The following PTPRT variants were observed in gnomAD, a reference collection of about 807,000 sequenced individuals.
PTPRT encodes protein tyrosine phosphatase receptor type T.
PTPRT carries 56 observed loss-of-function variants against 176.8 expected under a neutral mutation model. The ratio of observed to expected loss-of-function variants is 0.32; its 90% CI spans 0.26 to 0.40. The LOEUF is 0.40. Among genes scored for constraint, PTPRT ranks in the 10% least tolerant of loss-of-function variants. The probability of loss-of-function intolerance (pLI) is 1.00; values close to 1 mark genes in which losing one functional copy is unlikely to be tolerated. For missense variants in PTPRT, 1,540 were observed against 1,908.2 expected, an observed-to-expected ratio of 0.81 and a Z score of 3.60; for synonymous variants, 783 against 739.0, an observed-to-expected ratio of 1.06 and a Z score of -0.96.
intron 1 of PTPRT, among the ~76,000 whole-genome samples, chr20:42,967,619 A>G (rs2088845567): frequency 6.6e-6 from 1 of 152,130 alleles, no homozygotes; most frequent in Non-Finnish European, 1.5e-5. Flanking sequence ...AAGCCACCAA[A>G]TGGATGGTAA....
In PTPRT at chr20:42,756,559, C is replaced by T. The variant is rs762700100; in HGVS notation, c.762G>A (p.Val254=). Residue 254 remains valine, a synonymous_variant, in exon 6 of 31, where the codon GTG becomes GTA. Coordinates refer to ENST00000373187, the MANE Select transcript of PTPRT (RefSeq NM_007050.6). ...NHRRFSATVS[V]ADTAQRSVSK... ...TGACGCTCCGCTGGGCAGTGTCTGC[C>T]ACACTGACTGTGGCTGAGAAGCGCC... The T allele has an allele frequency of 2.5e-6, 4 of 1,613,072 alleles. No individual in the cohort carries two copies. The East Asian group carries it at 8.9e-5, about 36-fold the overall frequency.
At chr20:43,005,290 G>A (rs1038933777) in intron 1 of PTPRT, among the ~76,000 whole-genome samples, 19 of 152,068 alleles carry the variant, frequency 1.2e-4, no homozygotes, top group African/African-American at 3.6e-4. Flanking sequence ...CTCTCCAACC[G>A]CATCTTGTTG....
chr20:42,424,741 T>A (rs187646744), intron 9 of PTPRT, among the ~76,000 whole-genome samples: 1 of 151,490 alleles, frequency 6.6e-6, no homozygotes, highest in Admixed American at 6.6e-5. Flanking sequence ...CCATGGCACA[T>A]CTTTTTGTCA....
intron 19 of PTPRT, among the ~76,000 whole-genome samples, chr20:42,122,540 G>A (rs1208203758): frequency 6.6e-6 from 1 of 152,102 alleles, no homozygotes; most frequent in Non-Finnish European, 1.5e-5. Flanking sequence ...GTAGCTTTGG[G>A]AATAGAAAAT....
At chr20:42,834,009 T>C (rs2078138425) in intron 2 of PTPRT, among the ~76,000 whole-genome samples, 1 of 152,086 alleles carries the variant, frequency 6.6e-6, no homozygotes, top group African/African-American at 2.4e-5. Flanking sequence ...AAAAAACTGA[T>C]GTTAGACTTC....
chr20:43,045,497 A>T (rs3091990), intron 1 of PTPRT, among the ~76,000 whole-genome samples: 1 of 143,564 alleles, frequency 7.0e-6, no homozygotes, highest in Non-Finnish European at 1.5e-5. Context: ...TCTGTCACCT[A>T]GGCTGGAGTC....
At chr20:42,786,656 C>A (rs2077295274) in intron 3 of PTPRT, among the ~76,000 whole-genome samples, 1 of 152,152 alleles carries the variant, frequency 6.6e-6, no homozygotes, top group Non-Finnish European at 1.5e-5. Context: ...TATGACTGTC[C>A]CTGTACTCAG....
intron 2 of PTPRT, among the ~76,000 whole-genome samples, chr20:42,883,696 TCCCATACACCCCCATACACACACA>T (rs2079044661): frequency 8.8e-5 from 5 of 56,576 alleles, no homozygotes; most frequent in African/African-American, 8.5e-5. Flanking sequence ...CACACACACC[TCCCATACACCCCCATACACACACA>T]CCCATACACC....
chr20:42,710,659 C>T (rs1309241715), intron 6 of PTPRT, among the ~76,000 whole-genome samples: 1 of 152,264 alleles, frequency 6.6e-6, no homozygotes, highest in Non-Finnish European at 1.5e-5. Flanking sequence ...TAGAGCAGTG[C>T]CATGGAGAAA....
At chr20:42,948,707 T>C (rs941174170) in intron 1 of PTPRT, among the ~76,000 whole-genome samples, 28 of 152,196 alleles carry the variant, frequency 1.8e-4, no homozygotes, top group African/African-American at 6.5e-4. Flanking sequence ...TCAGTGATGC[T>C]TGAAGGACCC....
intron 1 of PTPRT, among the ~76,000 whole-genome samples, chr20:42,939,720 A>T (rs1234836665): frequency 6.6e-6 from 1 of 152,050 alleles, no homozygotes; most frequent in Admixed American, 6.6e-5. Context: ...TTTTAGTAAG[A>T]AAAAAAGACA....
rs776801747 is a variant in PTPRT at position 42,846,177 on chromosome 20, G to T, written c.214+39630C>A. On this transcript the variant is annotated intron_variant, in intron 2 of 30. Transcript: ENST00000373187. Reference sequence around the variant, plus strand: ...AAGGTCACTCGCCATGCTTTATAACGCAAAAATAATATTCCTGCTGCCATT... The same window carrying T: ...AAGGTCACTCGCCATGCTTTATAACTCAAAAATAATATTCCTGCTGCCATT... Among the ~76,000 whole-genome samples the T allele has an allele frequency of 5.9e-5, 9 of 152,148 alleles. No individual in the cohort carries two copies. The East Asian group carries it at 1.7e-3, about 29-fold the overall frequency.
intron 14 of PTPRT, among the ~76,000 whole-genome samples, chr20:42,243,083 GAGAGACAGAGAGAC>G (rs552821093): frequency 3.9e-3 from 593 of 151,910 alleles, no homozygotes; most frequent in Middle Eastern, 6.8e-3. Flanking sequence ...GAGAAAGAGA[GAGAGACAGAGAGAC>G]AGAGACAGAG....
At chr20:43,136,413 T>C (rs1256888833) in intron 1 of PTPRT, among the ~76,000 whole-genome samples, 1 of 152,212 alleles carries the variant, frequency 6.6e-6, no homozygotes, top group Non-Finnish European at 1.5e-5. Context: ...GACTGAATCA[T>C]GTTTTCCGCC....
At chr20:42,959,092 C>T in intron 1 of PTPRT, among the ~76,000 whole-genome samples, 1 of 152,196 alleles carries the variant, frequency 6.6e-6, no homozygotes, top group South Asian at 2.1e-4. Flanking sequence ...ATTAGATTGG[C>T]CTAATGGTTA....
rs546225603 is a variant in PTPRT at position 43,090,495 on chromosome 20, T to C, written c.88+99151A>G. Among the ~76,000 whole-genome samples, 339 of 152,112 alleles carry C rather than the reference T, an allele frequency of 2.2e-3. 1 individual carries two copies. Among genetic ancestry groups the C allele is most frequent in the East Asian group, 8.2e-3 (42 of 5,148 alleles). Reference sequence around the variant, plus strand: ...GTTTTAGCCAGGATGGTCTTGATATTCTGACCTCGTGATCCACCCGCCTTG... The same window carrying C: ...GTTTTAGCCAGGATGGTCTTGATATCCTGACCTCGTGATCCACCCGCCTTG... On this transcript the variant is annotated intron_variant, in intron 1 of 30. Coordinates refer to ENST00000373187, the MANE Select transcript of PTPRT (RefSeq NM_007050.6).
chr20:42,741,144 T>C (rs182792233), intron 6 of PTPRT, among the ~76,000 whole-genome samples: 59 of 152,272 alleles, frequency 3.9e-4, no homozygotes, highest in African/African-American at 1.3e-3. Flanking sequence ...GAAGTGACCA[T>C]AGAAGAAACC....
intron 7 of PTPRT, among the ~76,000 whole-genome samples, chr20:42,480,319 T>A (rs1331991167): frequency 6.6e-6 from 1 of 152,198 alleles, no homozygotes; most frequent in Non-Finnish European, 1.5e-5. Context: ...TTGCACTCCC[T>A]CAAACCCAGA....
chr20:42,806,530 G>A (rs936978398), intron 2 of PTPRT, among the ~76,000 whole-genome samples: 27 of 150,288 alleles, frequency 1.8e-4, no homozygotes, highest in African/African-American at 5.6e-4. Context: ...CCTCAGTTAA[G>A]CTTGAGGATT....
Sources: gnomAD v4.1 joint callset for allele counts (sites outside exome capture counted in the v4.1 genomes callset) on GRCh38, gnomAD v4.1.1 for gene constraint, MANE v1.5 for transcripts, NCBI Gene and HGNC (gene_info 2026-07-23, HGNC 2026-07-21) for gene names.